FILIP1L: variants seen among roughly 807,000 people sequenced by gnomAD.
FILIP1L encodes filamin A interacting protein 1 like.
A neutral mutation model predicts 96.6 loss-of-function variants in FILIP1L; 55 were observed. The observed-to-expected ratio is 0.57, with a 90% CI of 0.46 to 0.71. The LOEUF (loss-of-function observed/expected upper bound fraction) is 0.71, where lower values mean the gene tolerates loss of function less well. Ranked by LOEUF, FILIP1L falls within the 30% of genes least tolerant of loss-of-function variation. FILIP1L has a pLI of 0.00. For synonymous variants in FILIP1L, 467 were observed against 473.9 expected, an observed-to-expected ratio of 0.99 and a Z score of 0.19; for missense variants, 1,304 against 1,321.2, an observed-to-expected ratio of 0.99 and a Z score of 0.20.
intron 4 of FILIP1L, among the ~76,000 whole-genome samples, chr3:99,914,352 A>G (rs1241848127): frequency 6.6e-6 from 1 of 152,248 alleles, no homozygotes; most frequent in Non-Finnish European, 1.5e-5. Flanking sequence ...GGAAAAGGAA[A>G]TATACTGAAA....
chr3:100,006,904 C>T (rs1045850967), intron 1 of FILIP1L, among the ~76,000 whole-genome samples: 7 of 152,166 alleles, frequency 4.6e-5, no homozygotes, highest in Non-Finnish European at 8.8e-5. Context: ...CTCTAATATG[C>T]ATTGAGAAGG....
intron 1 of FILIP1L, among the ~76,000 whole-genome samples, chr3:100,056,184 G>T (rs1338719049): frequency 6.6e-6 from 1 of 152,144 alleles, no homozygotes; most frequent in African/African-American, 2.4e-5. Flanking sequence ...AAATGGTAGG[G>T]TACCAAATAT....
intron 5 of FILIP1L, among the ~76,000 whole-genome samples, chr3:99,835,220 C>A (rs1289563724): frequency 6.6e-6 from 1 of 152,184 alleles, no homozygotes; most frequent in Non-Finnish European, 1.5e-5. Flanking sequence ...TACTTCTAAT[C>A]ACCTTTGACC....
chr3:100,067,735 G>A (rs2065690963), intron 1 of FILIP1L, among the ~76,000 whole-genome samples: 1 of 152,056 alleles, frequency 6.6e-6, no homozygotes, highest in African/African-American at 2.4e-5. Context: ...CTGAGTAGGT[G>A]CTAAATATAT....
intron 1 of FILIP1L, among the ~76,000 whole-genome samples, chr3:100,061,173 T>C (rs2065559351): frequency 6.6e-6 from 1 of 151,690 alleles, no homozygotes; most frequent in African/African-American, 2.4e-5. Context: ...GAAGGAAGGG[T>C]ACAATTTTTA....
chr3:100,010,138 A>G, intron 1 of FILIP1L: 1 of 972,224 alleles, frequency 1.0e-6, no homozygotes, highest in South Asian at 4.8e-5. Context: ...TAGGTAAGTC[A>G]TCTGATTGGA....
chr3:100,043,527 G>A (rs1001206530), intron 1 of FILIP1L, among the ~76,000 whole-genome samples: 1 of 152,046 alleles, frequency 6.6e-6, no homozygotes, highest in Non-Finnish European at 1.5e-5. Context: ...TGGGAGACAG[G>A]CTCCACCCCA....
rs114299850 is a variant in FILIP1L, at chr3:99,848,865, C to T, written c.2811G>A (p.Pro937=). The T allele has an allele frequency of 4.3e-6, 7 of 1,613,840 alleles. No homozygotes were observed. Among genetic ancestry groups the T allele is most frequent in the Non-Finnish European group, 5.1e-6 (6 of 1,179,966 alleles). ...TCCTTTGCTTTGGCGTGCCACAGTT[C>T]GGTATCACTGCAGTACTCGTGTAAG... is the stretch of plus-strand genomic sequence containing the variant. The part of the protein sequence containing the change: ...PHSYTSTAVI[P]NCGTPKQRIT... The change falls in exon 5 of 6, where the codon CCG becomes CCA. Residue 937 remains proline, a synonymous_variant. Coordinates refer to ENST00000477258, the MANE Select transcript of FILIP1L (RefSeq NM_001387850.1).
chr3:99,837,446 A>G (rs1368413469), intron 5 of FILIP1L, among the ~76,000 whole-genome samples: 6 of 152,150 alleles, frequency 3.9e-5, no homozygotes, highest in Non-Finnish European at 7.4e-5. Flanking sequence ...AGAGAAAAAA[A>G]AAAAACAGCC....
At chr3:100,103,010 G>GA (rs2066335368) in intron 1 of FILIP1L, among the ~76,000 whole-genome samples, 1 of 152,162 alleles carries the variant, frequency 6.6e-6, no homozygotes, top group African/African-American at 2.4e-5. Flanking sequence ...GCCAGTGGAG[G>GA]AAAAAAGTGT....
chr3:100,019,594 A>G (rs2064769392), intron 1 of FILIP1L, among the ~76,000 whole-genome samples: 1 of 152,222 alleles, frequency 6.6e-6, no homozygotes, highest in South Asian at 2.1e-4. Flanking sequence ...AGACAGTAGT[A>G]GATACTTTTT....
chr3:100,021,954 T>TGAGA (rs1177315745), intron 1 of FILIP1L, among the ~76,000 whole-genome samples: 3 of 114,348 alleles, frequency 2.6e-5, no homozygotes, highest in African/African-American at 9.8e-5. Flanking sequence ...TGTGTGTGTG[T>TGAGA]GTGTGTGAGA....
chr3:99,882,634 T>G (rs1211026453), intron 4 of FILIP1L, among the ~76,000 whole-genome samples: 2 of 152,210 alleles, frequency 1.3e-5, no homozygotes, highest in Non-Finnish European at 2.9e-5. Flanking sequence ...TTAAGGGACT[T>G]GCCCCAAGGT....
intron 1 of FILIP1L, among the ~76,000 whole-genome samples, chr3:100,043,660 T>C (rs2065239515): frequency 6.6e-6 from 1 of 152,246 alleles, no homozygotes; most frequent in South Asian, 2.1e-4. Context: ...ATGTTGAATT[T>C]ATTTTTTAAA....
In FILIP1L at chr3:99,850,791, C is replaced by T. The variant is rs964953238; in HGVS notation, c.885G>A (p.Leu295=). ...EQKATRLEKE[L]QTQTTKFHQD... ...GGTGAAACTTTGTGGTCTGCGTTTG[C>T]AGTTCCTTCTCTAGTCTGGTTGCCT... The change falls in exon 5 of 6, where the codon CTG becomes CTA. Residue 295 remains leucine, a synonymous_variant. Coordinates refer to ENST00000477258, the MANE Select transcript of FILIP1L (RefSeq NM_001387850.1). 2 of 1,614,180 alleles carry T rather than the reference C, an allele frequency of 1.2e-6. No individual in the cohort carries two copies. The highest frequency in any genetic ancestry group is 2.7e-5 in the African/African-American group (2 of 75,054).
chr3:100,106,647 A>C (rs2066399996), intron 1 of FILIP1L, among the ~76,000 whole-genome samples: 1 of 152,186 alleles, frequency 6.6e-6, no homozygotes, highest in Non-Finnish European at 1.5e-5. Flanking sequence ...AGGATCCAGA[A>C]GCATATGCAT....
chr3:99,955,805 G>A (rs932526277), intron 1 of FILIP1L, among the ~76,000 whole-genome samples: 9 of 152,068 alleles, frequency 5.9e-5, no homozygotes, highest in Admixed American at 1.3e-4. Context: ...ATGGAATTTC[G>A]AATGGCCTGT....
At chr3:100,014,891 C>CTTTTTTTTTT (rs1710284139) in intron 1 of FILIP1L, among the ~76,000 whole-genome samples, 1 of 27,228 alleles carries the variant, frequency 3.7e-5, no homozygotes, top group Non-Finnish European at 6.9e-5. Flanking sequence ...TTTTTTCTTT[C>CTTTTTTTTTT]TTTCTTTTTT....
chr3:99,882,364 A>G (rs559344302), intron 4 of FILIP1L, among the ~76,000 whole-genome samples: 68 of 152,292 alleles, frequency 4.5e-4, no homozygotes, highest in Non-Finnish European at 6.8e-4. Flanking sequence ...GAAGGACAAA[A>G]TAAAACTGTC....
Sources: allele counts gnomAD v4.1 joint callset (sites outside exome capture counted in the v4.1 genomes callset), GRCh38; gene constraint gnomAD v4.1.1; transcripts MANE v1.5; gene names NCBI Gene and HGNC (gene_info 2026-07-23, HGNC 2026-07-21).